SPP2: variants seen among roughly 807,000 people sequenced by gnomAD.
SPP2 encodes the protein secreted phosphoprotein 24.
In SPP2, 34 loss-of-function variants were observed where a neutral mutation model predicts 28.8. That is an observed-to-expected ratio of 1.18 (90% CI 0.90 to 1.57). The LOEUF is 1.57. Ranked by LOEUF, SPP2 falls within the 40% of genes most tolerant of loss-of-function variation. The pLI is 0.00. For synonymous variants in SPP2, 96 were observed against 89.4 expected (o/e 1.07, Z -0.42); for missense variants, 269 against 263.9 (o/e 1.02, Z -0.13).
chr2:234,063,144 G>T (rs536392779), intron 4 of SPP2, among the ~76,000 whole-genome samples: 125 of 151,824 alleles, frequency 8.2e-4, no homozygotes, highest in African/African-American at 2.9e-3. Context: ...GAGAACAGCT[G>T]GTAATCATTC....
At chr2:234,067,777 C>CAAAAA (rs56184185) in intron 6 of SPP2, among the ~76,000 whole-genome samples, 7 of 63,492 alleles carry the variant, frequency 1.1e-4, no homozygotes, top group African/African-American at 3.5e-4. Context: ...GACTCCGTCT[C>CAAAAA]AAAAAAAAAA....
chr2:234,060,232 G>GA (rs2125457173), intron 3 of SPP2, 137 bp from the exon 4 acceptor site: 2 of 624,650 alleles, frequency 3.2e-6, no homozygotes, highest in East Asian at 2.8e-5. Context: ...TTTTCATTTT[G>GA]AAAAAATAAA....
At chr2:234,058,808 C>G in intron 2 of SPP2, 28 bp from the exon 3 acceptor site, 1 of 1,603,954 alleles carries the variant, frequency 6.2e-7, no homozygotes, top group African/African-American at 1.3e-5. Flanking sequence ...ATGCATTGAT[C>G]ACACTCTGAA....
chr2:234,052,522 T>G (rs561594964), intron 2 of SPP2, among the ~76,000 whole-genome samples: 1 of 152,210 alleles, frequency 6.6e-6, no homozygotes, highest in South Asian at 2.1e-4. Context: ...GATGAGCTAT[T>G]GTGAGGCACA....
chr2:234,066,481 C>T, intron 4 of SPP2, 52 bp from the exon 5 acceptor site: 1 of 1,474,816 alleles, frequency 6.8e-7, no homozygotes, highest in Non-Finnish European at 9.4e-7. Flanking sequence ...CAGTGTCTTT[C>T]CTTTTTCTTT....
At chr2:234,073,687 T>C (rs1690838878) in intron 7 of SPP2, among the ~76,000 whole-genome samples, 1 of 152,210 alleles carries the variant, frequency 6.6e-6, no homozygotes. Flanking sequence ...CTGGAATAGT[T>C]CTGACTTTTC....
Position 234,051,070 on chromosome 2 carries a change from G to T in SPP2, c.185G>T (p.Arg62Leu), listed in dbSNP as rs757044100. ...NSQSLSPYLF[R>L]AFRSSLKRVE... ...CAGTCACTGAGTCCGTATCTGTTTCGGGCATTCAGAAGCTCATTAAAAAGA... is the reference window on the plus strand; with the variant it reads ...CAGTCACTGAGTCCGTATCTGTTTCTGGCATTCAGAAGCTCATTAAAAAGA... Residue 62 changes from arginine to leucine, a missense_variant, in exon 2 of 8, where the codon CGG becomes CTG. Arg to Leu is a moderately radical substitution (Grantham distance 102, BLOSUM62 -2). Coordinates refer to ENST00000168148, the MANE Select transcript of SPP2 (RefSeq NM_006944.3). 1 of 1,613,848 alleles carries T rather than the reference G, an allele frequency of 6.2e-7. No homozygotes were observed. Among genetic ancestry groups the T allele is most frequent in the Non-Finnish European group, 8.5e-7 (1 of 1,179,854 alleles).
At chr2:234,053,082 G>A (rs1354011293) in intron 2 of SPP2, among the ~76,000 whole-genome samples, 1 of 152,058 alleles carries the variant, frequency 6.6e-6, no homozygotes, top group Non-Finnish European at 1.5e-5. Flanking sequence ...GAAAGATTTG[G>A]AAAGCTATTC....
chr2:234,066,313 G>T (rs1369252568), intron 4 of SPP2, among the ~76,000 whole-genome samples: 1 of 151,996 alleles, frequency 6.6e-6, no homozygotes, highest in African/African-American at 2.4e-5. Flanking sequence ...AAGATCTGTG[G>T]GTAATTTAAA....
chr2:234,067,293 G>A lies in SPP2; in HGVS notation c.550+19G>A. 1 of 1,613,486 alleles carries A rather than the reference G, an allele frequency of 6.2e-7. No individual in the cohort carries two copies. The highest frequency in any genetic ancestry group is 2.2e-5 in the East Asian group (1 of 44,866). ...TCACTTGGTAAGTGATTTCTTTCCTGCTGTGCCACCAGACCCTTTTCTGAT... is the reference window on the plus strand; with the variant it reads ...TCACTTGGTAAGTGATTTCTTTCCTACTGTGCCACCAGACCCTTTTCTGAT... On this transcript the variant is annotated intron_variant, in intron 6 of 7. Transcript: ENST00000168148.
At chr2:234,051,199 A>T in intron 2 of SPP2, 104 bp downstream of exon 2, 1 of 1,409,564 alleles carries the variant, frequency 7.1e-7, no homozygotes, top group Non-Finnish European at 9.7e-7. Context: ...TTTAAAAATG[A>T]TAGTAGCTAG....
intron 2 of SPP2, among the ~76,000 whole-genome samples, chr2:234,054,163 G>A (rs1236349965): frequency 1.3e-5 from 2 of 152,188 alleles, no homozygotes; most frequent in East Asian, 3.9e-4. Flanking sequence ...TATTGGGTGA[G>A]CTGGCAGAGT....
intron 7 of SPP2, among the ~76,000 whole-genome samples, chr2:234,070,876 A>G (rs1690758557): frequency 1.3e-5 from 2 of 152,120 alleles, no homozygotes; most frequent in African/African-American, 4.8e-5. Flanking sequence ...ACTATCAATG[A>G]TGCATAATTA....
intron 6 of SPP2, among the ~76,000 whole-genome samples, chr2:234,067,550 G>A (rs549139033): frequency 6.6e-6 from 1 of 152,176 alleles, no homozygotes; most frequent in Admixed American, 6.5e-5. Flanking sequence ...GGCCGAGGCG[G>A]GCGGATCACG....
chr2:234,060,849 A>G (rs375123068), intron 4 of SPP2, among the ~76,000 whole-genome samples: 98 of 152,166 alleles, frequency 6.4e-4, no homozygotes, highest in African/African-American at 2.3e-3. Flanking sequence ...AAACCTTTAA[A>G]GTTTCAGATC....
chr2:234,071,296 C>T lies in SPP2; in HGVS notation c.*10+1273C>T, dbSNP rs115922952. Among the ~76,000 whole-genome samples the T allele has an allele frequency of 6.0e-3, 919 of 152,264 alleles. 12 individuals carry two copies. Among genetic ancestry groups the T allele is most frequent in the African/African-American group, 0.021 (866 of 41,554 alleles). On this transcript the variant is annotated intron_variant, in intron 7 of 7. Coordinates refer to ENST00000168148, the MANE Select transcript of SPP2 (RefSeq NM_006944.3). ...ATGGAGGAGACTCTGATCCTTGCCC[C>T]ATATAAACTAATGCTTGCTTCACTT...
intron 2 of SPP2, among the ~76,000 whole-genome samples, chr2:234,058,523 GCCAA>G (rs1693652613): frequency 6.6e-6 from 1 of 152,176 alleles, no homozygotes; most frequent in Non-Finnish European, 1.5e-5. Context: ...AGGTGAGTTT[GCCAA>G]TATGGAATCC....
chr2:234,076,184 C>G (rs908099642), intron 7 of SPP2, among the ~76,000 whole-genome samples: 4 of 152,104 alleles, frequency 2.6e-5, no homozygotes, highest in Non-Finnish European at 4.4e-5. Context: ...CGCCCACACA[C>G]CCGACAGTGT....
At chr2:234,060,969 G>C (rs937981140) in intron 4 of SPP2, among the ~76,000 whole-genome samples, 1 of 152,124 alleles carries the variant, frequency 6.6e-6, no homozygotes, top group South Asian at 2.1e-4. Flanking sequence ...CAGGATACTT[G>C]ACTTTCATTT....
Sources: allele counts gnomAD v4.1 joint callset (sites outside exome capture counted in the v4.1 genomes callset), GRCh38; gene constraint gnomAD v4.1.1; transcripts MANE v1.5; gene names NCBI Gene and HGNC (gene_info 2026-07-23, HGNC 2026-07-21).